TMEM132B: variants seen among roughly 807,000 people sequenced by gnomAD.
TMEM132B encodes transmembrane protein 132B.
In TMEM132B, 18 loss-of-function variants were observed where a neutral mutation model predicts 90.8. The ratio of observed to expected loss-of-function variants is 0.20; its 90% CI spans 0.14 to 0.29. The LOEUF is 0.29. Ranked by LOEUF, TMEM132B falls within the 10% of genes least tolerant of loss-of-function variation. TMEM132B has a pLI of 1.00. For synonymous variants in TMEM132B, 504 were observed against 523.3 expected (o/e 0.96, Z 0.50); for missense variants, 1,096 against 1,326.8 (o/e 0.83, Z 2.70).
intron 2 of TMEM132B, among the ~76,000 whole-genome samples, chr12:125,414,692 G>A (rs1879959175): frequency 6.6e-6 from 1 of 152,168 alleles, no homozygotes; most frequent in Admixed American, 6.5e-5. Flanking sequence ...TTAAGACATA[G>A]TAAGCAGTGG....
chr12:125,494,736 T>C (rs1415748787), intron 3 of TMEM132B, among the ~76,000 whole-genome samples: 10 of 90,858 alleles, frequency 1.1e-4, no homozygotes, highest in African/African-American at 2.2e-4. Context: ...TGGAAATGGA[T>C]GCGTCCCCTC....
intron 2 of TMEM132B, among the ~76,000 whole-genome samples, chr12:125,405,592 A>G (rs1461795124): frequency 2.0e-5 from 3 of 152,122 alleles, no homozygotes; most frequent in African/African-American, 7.2e-5. Context: ...TGGTGTGAAT[A>G]CCTGTGCTGT....
chr12:125,531,174 T>C (rs991448871), intron 4 of TMEM132B, among the ~76,000 whole-genome samples: 11 of 152,178 alleles, frequency 7.2e-5, no homozygotes, highest in African/African-American at 2.7e-4. Context: ...CTTTTTCTTT[T>C]CTTTTTGTTT....
intron 2 of TMEM132B, among the ~76,000 whole-genome samples, chr12:125,371,080 A>G (rs1439924666): frequency 6.6e-6 from 1 of 152,190 alleles, no homozygotes; most frequent in African/African-American, 2.4e-5. Flanking sequence ...CCAAGAGTCC[A>G]AAAGCCAAAA....
intron 5 of TMEM132B, among the ~76,000 whole-genome samples, chr12:125,604,880 C>A (rs1885655529): frequency 6.6e-6 from 1 of 152,168 alleles, no homozygotes; most frequent in African/African-American, 2.4e-5. Flanking sequence ...AGGCATGTAG[C>A]CAGGTTCCAT....
chr12:125,322,807 A>T (rs1876464524), intron 1 of TMEM132B, among the ~76,000 whole-genome samples: 1 of 152,210 alleles, frequency 6.6e-6, no homozygotes, highest in African/African-American at 2.4e-5. Context: ...CAGGCAGTCA[A>T]CATGATTAGC....
At chr12:125,258,892 G>A (rs983453439) in intron 1 of TMEM132B, among the ~76,000 whole-genome samples, 3 of 152,184 alleles carry the variant, frequency 2.0e-5, no homozygotes, top group African/African-American at 4.8e-5. Context: ...TACTGAATGC[G>A]GAGAAGGAGC....
At chr12:125,328,548 G>T (rs1876661888) in intron 1 of TMEM132B, among the ~76,000 whole-genome samples, 1 of 152,134 alleles carries the variant, frequency 6.6e-6, no homozygotes, top group Non-Finnish European at 1.5e-5. Flanking sequence ...TTCAGCTTCT[G>T]GTGGCTCCAG....
intron 2 of TMEM132B, among the ~76,000 whole-genome samples, chr12:125,403,386 C>G (rs1879373817): frequency 6.6e-6 from 1 of 152,232 alleles, no homozygotes; most frequent in Non-Finnish European, 1.5e-5. Flanking sequence ...TCGTTGTATG[C>G]TACTGCCACC....
At chr12:125,273,963 C>G (rs565380152) in intron 1 of TMEM132B, among the ~76,000 whole-genome samples, 21 of 152,328 alleles carry the variant, frequency 1.4e-4, no homozygotes, top group African/African-American at 5.1e-4. Flanking sequence ...TGTGCCTGGA[C>G]TCTCCTCTAC....
intron 3 of TMEM132B, among the ~76,000 whole-genome samples, chr12:125,452,191 T>TA (rs1414793168): frequency 3.3e-5 from 5 of 152,248 alleles, no homozygotes; most frequent in African/African-American, 4.8e-5. Context: ...TTTTTACCTT[T>TA]AAAATTTTTT....
At chr12:125,195,047 T>C (rs1030271093) in intron 1 of TMEM132B, among the ~76,000 whole-genome samples, 2 of 152,210 alleles carry the variant, frequency 1.3e-5, no homozygotes, top group African/African-American at 4.8e-5. Context: ...CCTCTTGACC[T>C]GAGACTCAGT....
intron 3 of TMEM132B, among the ~76,000 whole-genome samples, chr12:125,510,271 C>G (rs949943687): frequency 6.6e-6 from 1 of 152,052 alleles, no homozygotes; most frequent in Admixed American, 6.6e-5. Context: ...TGCTCATTAT[C>G]AAGATTTATT....
intron 3 of TMEM132B, among the ~76,000 whole-genome samples, chr12:125,451,598 A>T (rs1248378728): frequency 6.7e-6 from 1 of 149,158 alleles, no homozygotes; most frequent in Non-Finnish European, 1.5e-5. Context: ...CCAGTATTAC[A>T]TTCCCCTGTG....
rs201931924 is a variant in TMEM132B, at chr12:125,650,822, C to G, written c.1783C>G (p.Leu595Val). The change falls in exon 7 of 9, where the codon CTG (leucine) becomes GTG (valine). Residue 595 changes from leucine (L) to valine (V), a missense_variant. By Grantham distance (32) the Leu-to-Val change is conservative. Coordinates refer to ENST00000682704, the MANE Select transcript of TMEM132B (RefSeq NM_001366854.1). ...SPDLGQLTYM[L>V]GPDWQFDITD... is the part of the protein sequence containing the mutation. ...TGACTTAGGGCAGCTGACCTACATG[C>G]TGGGCCCCGACTGGCAGTTTGACAT... 1.3e-4 allele frequency: 204 copies of G among 1,614,230 alleles called. 1 individual carries two copies. In the African/African-American group the frequency reaches 2.3e-3, roughly 18 times the overall value.
intron 1 of TMEM132B, among the ~76,000 whole-genome samples, chr12:125,319,366 G>C (rs147989063): frequency 6.6e-6 from 1 of 152,334 alleles, no homozygotes; most frequent in African/African-American, 2.4e-5. Context: ...CGAGAACTTG[G>C]CTTTCCAGTA....
At chr12:125,418,636 G>A (rs1227722114) in intron 3 of TMEM132B, among the ~76,000 whole-genome samples, 1 of 152,150 alleles carries the variant, frequency 6.6e-6, no homozygotes, top group Non-Finnish European at 1.5e-5. Context: ...GCAAAATGCT[G>A]TAATCTCTGA....
At chr12:125,379,908 G>C (rs779885440) in intron 2 of TMEM132B, among the ~76,000 whole-genome samples, 12 of 152,284 alleles carry the variant, frequency 7.9e-5, no homozygotes, top group Non-Finnish European at 1.3e-4. Flanking sequence ...GGGTTTTTCA[G>C]ATCACAACAT....
rs7971264 is a variant in TMEM132B, at chr12:125,349,418, C to T, written c.68-34C>T. On this transcript the variant is annotated intron_variant, in intron 1 of 8. Coordinates refer to ENST00000682704, the MANE Select transcript of TMEM132B (RefSeq NM_001366854.1). This position sits in a 1 kb window ranked among gnomAD's most constrained non-coding sequence, Gnocchi z 4.1. Reference sequence around the variant, plus strand: ...ATTTATTTCATTACATCTCAGAACACGGTTTTATTCTTTTGCTTTCCTTTC... The same window carrying T: ...ATTTATTTCATTACATCTCAGAACATGGTTTTATTCTTTTGCTTTCCTTTC... The T allele has an allele frequency of 0.3, 465,851 of 1,561,654 alleles. 70,781 individuals are homozygous for T. The highest frequency in any genetic ancestry group is 0.38 in the Admixed American group (20,296 of 52,758).
Sources: gnomAD v4.1 joint callset for allele counts (sites outside exome capture counted in the v4.1 genomes callset) on GRCh38, gnomAD v4.1.1 for gene constraint, Gnocchi (gnomAD v3.1) non-coding constraint, MANE v1.5 for transcripts, NCBI Gene and HGNC (gene_info 2026-07-23, HGNC 2026-07-21) for gene names.